ADAMTS6: variants seen among roughly 807,000 people sequenced by gnomAD.
The protein encoded by ADAMTS6 is ADAM metallopeptidase with thrombospondin type 1 motif 6.
A neutral mutation model predicts 144.3 loss-of-function variants in ADAMTS6; 23 were observed. That is an observed-to-expected ratio of 0.16 (90% CI 0.11 to 0.23). The LOEUF (loss-of-function observed/expected upper bound fraction) is 0.23, where lower values mean the gene tolerates loss of function less well. ADAMTS6 is among the 10% of genes least tolerant of loss of function. ADAMTS6 has a pLI of 1.00. For synonymous variants in ADAMTS6, 444 were observed against 457.5 expected, an observed-to-expected ratio of 0.97 and a Z score of 0.38; for missense variants, 999 against 1,379.6, an observed-to-expected ratio of 0.72 and a Z score of 4.37.
rs1162971652 is a variant in ADAMTS6, at chr5:65,273,430, G to T, written c.1530C>A (p.Leu510=). Residue 510 remains leucine (L), a synonymous_variant, in exon 12 of 25, where the codon CTC becomes CTA. Transcript: ENST00000381055. ...AGCGGTTGCTTTTGCTGAGACACCA[G>T]AGCTCTCTACACACTTCCTAGGAAA... ...QCKYGEVCRE[L]WCLSKSNRCV... is the part of the protein sequence containing the mutation. The T allele has an allele frequency of 6.2e-7, 1 of 1,613,626 alleles. No homozygotes were observed. Among genetic ancestry groups the T allele is most frequent in the African/African-American group, 1.3e-5 (1 of 74,860 alleles).
chr5:65,307,392 G>A (rs1035198123), intron 9 of ADAMTS6, among the ~76,000 whole-genome samples: 3 of 152,156 alleles, frequency 2.0e-5, no homozygotes, highest in Non-Finnish European at 4.4e-5. Context: ...GTTTAGTGAA[G>A]TGAACTGAAT....
chr5:65,430,476 C>T (rs1756908007), intron 7 of ADAMTS6, among the ~76,000 whole-genome samples: 1 of 152,118 alleles, frequency 6.6e-6, no homozygotes, highest in East Asian at 1.9e-4. Context: ...ACATTTAAAA[C>T]CAAGCAGGAC....
intron 7 of ADAMTS6, among the ~76,000 whole-genome samples, chr5:65,334,562 A>C (rs1747128280): frequency 6.6e-6 from 1 of 152,212 alleles, no homozygotes. Flanking sequence ...CTTGTTAAAG[A>C]AAAAAAGATA....
intron 7 of ADAMTS6, among the ~76,000 whole-genome samples, chr5:65,429,399 A>G (rs1756817982): frequency 6.6e-6 from 1 of 152,200 alleles, no homozygotes; most frequent in Admixed American, 6.5e-5. Context: ...TGAAGGCTCC[A>G]GTGTCGCATA....
At chr5:65,345,935 A>T (rs1468167546) in intron 7 of ADAMTS6, among the ~76,000 whole-genome samples, 1 of 151,932 alleles carries the variant, frequency 6.6e-6, no homozygotes, top group Non-Finnish European at 1.5e-5. Flanking sequence ...TGCTCATGCC[A>T]TTCTGGCACT....
Position 65,302,106 on chromosome 5 carries a change from A to AT in ADAMTS6, c.1224-1976_1224-1975insA, listed in dbSNP as rs1561398121. On this transcript the variant is annotated intron_variant, in intron 9 of 24. Transcript: ENST00000381055. The stretch of plus-strand genomic sequence containing the variant: ...GGCTCTGTCTCCAAAAAAAAAAAAA[A>AT]AATATATATATATATATATATATGC... Among the ~76,000 whole-genome samples, 27 of 37,522 alleles carry AT rather than the reference A, an allele frequency of 7.2e-4. 1 individual carries two copies. Among genetic ancestry groups the AT allele is most frequent in the South Asian group, 4.9e-3 (7 of 1,436 alleles). The allele number at this position is 37,522 out of a possible 152,430, so 24.6% of individuals were successfully genotyped here.
Position 65,334,104 on chromosome 5 carries a change from T to A in ADAMTS6, c.1074-19A>T, listed in dbSNP as rs765700229. ...ATCATATCTATGGAGAAAACAGAGATGAAATTTGTAATCTGATCAGATTTG... is the reference window on the plus strand; with the variant it reads ...ATCATATCTATGGAGAAAACAGAGAAGAAATTTGTAATCTGATCAGATTTG... On this transcript the variant is annotated intron_variant, in intron 7 of 24. Coordinates refer to ENST00000381055, the MANE Select transcript of ADAMTS6 (RefSeq NM_197941.4). The A allele has an allele frequency of 1.8e-5, 28 of 1,520,448 alleles. No homozygotes were observed. The highest frequency in any genetic ancestry group is 2.5e-5 in the Non-Finnish European group (28 of 1,142,104). 94.2% of individuals were successfully genotyped at this position (1,520,448 alleles called of 1,614,324 possible).
chr5:65,182,066 G>A (rs1754388439), intron 22 of ADAMTS6, among the ~76,000 whole-genome samples: 1 of 152,098 alleles, frequency 6.6e-6, no homozygotes, highest in African/African-American at 2.4e-5. Context: ...GGGAGATGAA[G>A]AATGCGAAGA....
intron 8 of ADAMTS6, among the ~76,000 whole-genome samples, chr5:65,333,358 T>C (rs1485125459): frequency 1.3e-5 from 2 of 152,092 alleles, no homozygotes; most frequent in Non-Finnish European, 2.9e-5. Flanking sequence ...AATGTGTAAT[T>C]TTTAAAATTC....
intron 18 of ADAMTS6, among the ~76,000 whole-genome samples, chr5:65,217,186 C>T (rs1249799803): frequency 2.6e-5 from 4 of 152,130 alleles, no homozygotes; most frequent in Non-Finnish European, 4.4e-5. Context: ...AGAAGAAATA[C>T]CTGGCCTTGA....
Position 65,334,028 on chromosome 5 carries a change from C to G in ADAMTS6, c.1117+14G>C. ...AAAAAAAAAAAAAAAAAAAAAAAAC[C>G]AAAAAAAACTTACCCAGTGTTCCAC... On this transcript the variant is annotated intron_variant, in intron 8 of 24. Coordinates refer to ENST00000381055, the MANE Select transcript of ADAMTS6 (RefSeq NM_197941.4). 4 of 587,410 alleles carry G rather than the reference C, an allele frequency of 6.8e-6. No homozygotes were observed. Among genetic ancestry groups the G allele is most frequent in the Non-Finnish European group, 9.0e-6 (4 of 446,648 alleles). The allele number at this position is 587,410 out of a possible 1,614,324, so 36.4% of individuals were successfully genotyped here.
chr5:65,340,489 C>T (rs1356710855), intron 7 of ADAMTS6, among the ~76,000 whole-genome samples: 5 of 151,900 alleles, frequency 3.3e-5, no homozygotes, highest in Non-Finnish European at 7.4e-5. Flanking sequence ...GGAATCAAAC[C>T]TCAGCATTAC....
chr5:65,239,059 T>A (rs145635297), intron 15 of ADAMTS6, among the ~76,000 whole-genome samples: 1 of 152,026 alleles, frequency 6.6e-6, no homozygotes, highest in African/African-American at 2.4e-5. Flanking sequence ...TAGGTGGGAA[T>A]TGAACAATGA....
At chr5:65,445,357 A>G (rs959836296) in intron 7 of ADAMTS6, among the ~76,000 whole-genome samples, 1 of 152,132 alleles carries the variant, frequency 6.6e-6, no homozygotes, top group African/African-American at 2.4e-5. Context: ...TTGTTTTTTA[A>G]GATGGAGTCT....
At chr5:65,314,035 G>A (rs934017398) in intron 9 of ADAMTS6, among the ~76,000 whole-genome samples, 1 of 152,024 alleles carries the variant, frequency 6.6e-6, no homozygotes, top group Non-Finnish European at 1.5e-5. Context: ...ATCAGAGCTA[G>A]ATTAAATATG....
At chr5:65,406,153 A>G (rs949627882) in intron 7 of ADAMTS6, among the ~76,000 whole-genome samples, 4 of 152,200 alleles carry the variant, frequency 2.6e-5, no homozygotes, top group South Asian at 2.1e-4. Flanking sequence ...TCTCCTGCCT[A>G]ATTGCCCTGG....
At position 65,174,031 on chromosome 5, in the gene ADAMTS6, A is replaced by AAC. The variant is rs200414374; in HGVS notation, c.2911-1024_2911-1023insGT. Among the ~76,000 whole-genome samples the AAC allele has an allele frequency of 3.9e-4, 59 of 151,806 alleles. No individual in the cohort carries two copies. In the Middle Eastern group the frequency reaches 0.01, roughly 26 times the overall value. On this transcript the variant is annotated intron_variant, in intron 22 of 24. Transcript: ENST00000381055. ...GCAAGATTCTGTCTCAAAAAAAAAA[A>AAC]AAAATCTATACTTCCTTCCCCTCAA...
chr5:65,238,981 G>A (rs189598401), intron 15 of ADAMTS6, among the ~76,000 whole-genome samples: 2 of 152,206 alleles, frequency 1.3e-5, no homozygotes, highest in Admixed American at 1.3e-4. Context: ...CATATTGGAA[G>A]AACTCTTATA....
At chr5:65,290,165 G>C (rs1162784439) in intron 11 of ADAMTS6, among the ~76,000 whole-genome samples, 1 of 152,066 alleles carries the variant, frequency 6.6e-6, no homozygotes, top group Non-Finnish European at 1.5e-5. Context: ...TACCTAAAGA[G>C]GATACATACA....
Sources: gnomAD v4.1 joint callset for allele counts (sites outside exome capture counted in the v4.1 genomes callset) on GRCh38, gnomAD v4.1.1 for gene constraint, MANE v1.5 for transcripts, NCBI Gene and HGNC (gene_info 2026-07-23, HGNC 2026-07-21) for gene names.